Variants in KRI1 observed in about 807,000 individuals in gnomAD.
KRI1 encodes the protein protein KRI1 homolog.
KRI1 carries 83 observed loss-of-function variants against 97.0 expected under a neutral mutation model. The observed-to-expected ratio is 0.86, with a 90% CI of 0.72 to 1.03. The LOEUF is 1.03. KRI1 is among the 50% of genes least tolerant of loss of function. The pLI, the probability that KRI1 is intolerant of heterozygous loss-of-function variation, is 0.00. For missense variants in KRI1, 916 were observed against 928.4 expected (o/e 0.99, Z 0.17); for synonymous variants, 371 against 363.5 (o/e 1.02, Z -0.23).
rs537449518 is a variant in KRI1, at chr19:10,556,855, T to G, written c.1617+697A>C. 2.0e-5 allele frequency among the ~76,000 whole-genome samples: 3 copies of G among 151,666 alleles called. No individual in the cohort carries two copies. In the East Asian group the frequency reaches 5.9e-4, roughly 30 times the overall value. ...AAAAATATTTTTAATTAAAAAAAAT[T>G]AATTGGGCATGGTGGCACATGCCTG... On this transcript the variant is annotated intron_variant, in intron 16 of 18. Transcript: ENST00000312962.
At position 10,555,076 on chromosome 19, in the gene KRI1, G is replaced by A; in HGVS notation, c.1781+11C>T. On this transcript the variant is annotated intron_variant, in intron 18 of 18. Transcript: ENST00000312962. ...CTCCCCACCCACGCTTCCCCAGCCA[G>A]CACTGCTTACTCTTCTCGGCAGAGT... The A allele has an allele frequency of 1.9e-6, 3 of 1,610,272 alleles. No homozygotes were observed. Among genetic ancestry groups the A allele is most frequent in the African/African-American group, 2.7e-5 (2 of 74,910 alleles).
chr19:10,564,691 GGACTTGT>G (rs1240611674), intron 3 of KRI1, among the ~76,000 whole-genome samples: 1 of 152,152 alleles, frequency 6.6e-6, no homozygotes, highest in Non-Finnish European at 1.5e-5. Context: ...GCTCTGCTAA[GGACTTGT>G]GACTTGTGAA....
At position 10,553,831 on chromosome 19, in the gene KRI1, A is replaced by G; in HGVS notation, c.*120T>C. ...CTCGGCCTCCCAAAGTGCTGGGATTACAGGCGTGCCTGGCCACAGATGAGA... is the reference window on the plus strand; with the variant it reads ...CTCGGCCTCCCAAAGTGCTGGGATTGCAGGCGTGCCTGGCCACAGATGAGA... On this transcript the variant is annotated 3_prime_UTR_variant, in exon 19 of 19. Coordinates refer to ENST00000312962, the MANE Select transcript of KRI1 (RefSeq NM_023008.5). 2 of 900,760 alleles carry G rather than the reference A, an allele frequency of 2.2e-6. No individual in the cohort carries two copies. Among genetic ancestry groups the G allele is most frequent in the Non-Finnish European group, 3.2e-6 (2 of 618,150 alleles). 55.8% of individuals were successfully genotyped at this position (900,760 alleles called of 1,614,324 possible). A position where few individuals can be genotyped will look rare whatever the true frequency, so the allele number is the denominator to read the frequency against.
intron 8 of KRI1, 37 bp downstream of exon 8, chr19:10,560,966 C>T (rs767959837): frequency 2.1e-5 from 32 of 1,493,640 alleles, no homozygotes; most frequent in Middle Eastern, 1.7e-4. Flanking sequence ...GCGGAACACG[C>T]GGTCTACTCC....
chr19:10,559,561 G>T, intron 11 of KRI1, 32 bp from the exon 12 acceptor site: 1 of 1,613,786 alleles, frequency 6.2e-7, no homozygotes, highest in Non-Finnish European at 8.5e-7. Flanking sequence ...GGGAGGGCAT[G>T]GGCTTTCCTC....
chr19:10,565,272 T>TGGGGAA, intron 2 of KRI1: 1 of 561,866 alleles, frequency 1.8e-6, no homozygotes, highest in Non-Finnish European at 3.1e-6. Context: ...AGGTAATTCC[T>TGGGGAA]GGGGAAGACA....
chr19:10,565,818 C>CA (rs1555750219), intron 1 of KRI1, 28 bp from the exon 2 acceptor site: 28 of 1,549,966 alleles, frequency 1.8e-5, no homozygotes, highest in Non-Finnish European at 2.3e-5. Context: ...GATGCCCCCC[C>CA]CCAGGTCAGC....
intron 12 of KRI1, among the ~76,000 whole-genome samples, chr19:10,558,690 G>A (rs1434067641): frequency 6.6e-6 from 1 of 150,768 alleles, no homozygotes; most frequent in Non-Finnish European, 1.5e-5. Context: ...TTACAGGCAT[G>A]TGCCACCACG....
At chr19:10,554,340 C>T in intron 18 of KRI1, 59 bp from the exon 19 acceptor site, 5 of 1,402,202 alleles carry the variant, frequency 3.6e-6, no homozygotes, top group Non-Finnish European at 5.0e-6. Context: ...CATTCTTGAG[C>T]ACGCATGCCC....
At chr19:10,565,817 C>CCCT (rs1555750210) in intron 1 of KRI1, 27 bp from the exon 2 acceptor site, 4 of 1,552,660 alleles carry the variant, frequency 2.6e-6, no homozygotes, top group Non-Finnish European at 1.7e-6. Context: ...GGATGCCCCC[C>CCCT]CCCAGGTCAG....
At chr19:10,557,135 C>T (rs1217274531) in intron 16 of KRI1, among the ~76,000 whole-genome samples, 8 of 130,120 alleles carry the variant, frequency 6.1e-5, no homozygotes, top group Admixed American at 1.7e-4. Flanking sequence ...TTTTTTTTGG[C>T]GCTCTGTCAC....
intron 16 of KRI1, among the ~76,000 whole-genome samples, chr19:10,555,575 C>T (rs536247648): frequency 5.3e-5 from 8 of 152,330 alleles, no homozygotes; most frequent in African/African-American, 1.9e-4. Context: ...GGCCAGATGG[C>T]TGGGAAGTTG....
intron 3 of KRI1, among the ~76,000 whole-genome samples, chr19:10,563,449 G>A (rs552373318): frequency 5.3e-5 from 8 of 151,380 alleles, no homozygotes; most frequent in African/African-American, 1.7e-4. Flanking sequence ...AGGTTCAAGC[G>A]ATTCCCCTGC....
At position 10,557,786 on chromosome 19, in the gene KRI1, T is replaced by G. The variant is rs1916551968; in HGVS notation, c.1469A>C (p.Lys490Thr). The G allele has an allele frequency of 1.2e-6, 2 of 1,613,220 alleles. No individual in the cohort carries two copies. Among genetic ancestry groups the G allele is most frequent in the African/African-American group, 1.3e-5 (1 of 74,928 alleles). ...SPFAAAVGQE[K>T]PVFEPGDKTF... ...GGCCTCACCGGGTTCAAACACGGGC[T>G]TCTCCTGCCCCACGGCCGCGGCGAA... The change falls in exon 15 of 19, where the codon AAG becomes ACG. Residue 490 changes from lysine (K) to threonine (T), a missense_variant. By Grantham distance (78) the Lys-to-Thr change is moderately conservative. Around this residue, in one of 3 missense-constraint regions of KRI1, gnomAD observed 672 missense variants for 667.2 expected, o/e 1.01. Transcript: ENST00000312962.
At position 10,553,253 on chromosome 19, in the gene KRI1, C is replaced by A; in HGVS notation, c.*698G>T. 2 of 743,054 alleles carry A rather than the reference C, an allele frequency of 2.7e-6. No homozygotes were observed. The highest frequency in any genetic ancestry group is 2.8e-5 in the East Asian group (1 of 35,798). 46.0% of individuals were successfully genotyped at this position (743,054 alleles called of 1,614,324 possible). A position where few individuals can be genotyped will look rare whatever the true frequency, so the allele number is the denominator to read the frequency against. ...CCACAGAGCCCATACACCTGTCTCC[C>A]ACCAGCGGGGCCCTCCTGGCAGGGT... On this transcript the variant is annotated 3_prime_UTR_variant, in exon 19 of 19. Coordinates refer to ENST00000312962, the MANE Select transcript of KRI1 (RefSeq NM_023008.5).
At chr19:10,558,125 A>G in intron 13 of KRI1, 39 bp downstream of exon 13, 2 of 1,613,180 alleles carry the variant, frequency 1.2e-6, no homozygotes, top group Non-Finnish European at 1.7e-6. Flanking sequence ...CCCAGTCCCC[A>G]GTCCCCAATC....
rs1916628805 is a variant in KRI1 at position 10,559,643 on chromosome 19, C to T, written c.993G>A (p.Lys331=). 6.2e-7 allele frequency: 1 copy of T among 1,614,062 alleles called. No individual in the cohort carries two copies. Among genetic ancestry groups the T allele is most frequent in the Non-Finnish European group, 8.5e-7 (1 of 1,180,020 alleles). ...VRRKDERRKE[K]REETRERKKR... ...TCTTTCGCTCCCGAGTCTCTTCCCT[C>T]TTCTCCTTTCTGCGCTCATCCTTAC... is the stretch of plus-strand genomic sequence containing the variant. Residue 331 remains lysine, a synonymous_variant, in exon 11 of 19, where the codon AAG becomes AAA. Coordinates refer to ENST00000312962, the MANE Select transcript of KRI1 (RefSeq NM_023008.5).
At position 10,559,225 on chromosome 19, in the gene KRI1, G is replaced by T. The variant is rs190272422; in HGVS notation, c.1194+134C>A. 33 of 910,210 alleles carry T rather than the reference G, an allele frequency of 3.6e-5. No homozygotes were observed. The Middle Eastern group carries it at 9.9e-4, about 27-fold the overall frequency. 56.4% of individuals were successfully genotyped at this position (910,210 alleles called of 1,614,324 possible). Reference sequence around the variant, plus strand: ...TTACCATGTTGGCCAGGCTGATCTCGAACTCCTGACCTCAGGTGATCTGCC... The same window carrying T: ...TTACCATGTTGGCCAGGCTGATCTCTAACTCCTGACCTCAGGTGATCTGCC... On this transcript the variant is annotated intron_variant, in intron 12 of 18. Coordinates refer to ENST00000312962, the MANE Select transcript of KRI1 (RefSeq NM_023008.5).
Position 10,553,936 on chromosome 19 carries a change from C to G in KRI1, c.*15G>C, listed in dbSNP as rs895666404. On this transcript the variant is annotated 3_prime_UTR_variant, in exon 19 of 19. Transcript: ENST00000312962. ...TGAGGAGAGGAGCCTGAGGCCCCTG[C>G]CTGCTCCCTGGTGCTCAGGAGCTGT... 2 of 1,564,544 alleles carry G rather than the reference C, an allele frequency of 1.3e-6. No individual in the cohort carries two copies. Among genetic ancestry groups the G allele is most frequent in the Admixed American group, 1.9e-5 (1 of 51,746 alleles).
Sources: gnomAD v4.1 joint callset for allele counts (sites outside exome capture counted in the v4.1 genomes callset) on GRCh38, gnomAD v4.1.1 for gene constraint, gnomAD v4.1.1 regional missense constraint, MANE v1.5 for transcripts, NCBI Gene and HGNC (gene_info 2026-07-23, HGNC 2026-07-21) for gene names.